RNF130: variants seen among roughly 807,000 people sequenced by gnomAD.
RNF130 encodes E3 ubiquitin-protein ligase RNF130.
Under a neutral mutation model 44.6 loss-of-function variants are expected in RNF130, and 21 were observed. The observed-to-expected ratio is 0.47, with a 90% CI of 0.33 to 0.68. The LOEUF (loss-of-function observed/expected upper bound fraction) is 0.68. RNF130 is among the 30% of genes least tolerant of loss of function. RNF130 has a pLI of 0.02. For missense variants in RNF130, 479 were observed against 560.6 expected (o/e 0.85, Z 1.47); for synonymous variants, 214 against 210.4 (o/e 1.02, Z -0.15).
At position 180,060,973 on chromosome 5, in the gene RNF130, G is replaced by A. The variant is rs548914392; in HGVS notation, c.247+10483C>T. Among the ~76,000 whole-genome samples the A allele has an allele frequency of 6.0e-5, 9 of 148,774 alleles. No individual in the cohort carries two copies. In the East Asian group the frequency reaches 1.4e-3, roughly 23 times the overall value. On this transcript the variant is annotated intron_variant, in intron 1 of 8. Coordinates refer to ENST00000521389, the MANE Select transcript of RNF130 (RefSeq NM_018434.6). ...AGTCCCAGCTACGCGGGAGGCTGAG[G>A]CAGGAGAATGGCGTGAACCCCGGGG...
chr5:180,048,629 T>A (rs975043695), intron 1 of RNF130, among the ~76,000 whole-genome samples: 5 of 152,098 alleles, frequency 3.3e-5, no homozygotes, highest in Non-Finnish European at 7.4e-5. Context: ...CAGAGAGAGA[T>A]GCTATCTCAA....
At chr5:179,997,333 T>C (rs996426217) in intron 3 of RNF130, among the ~76,000 whole-genome samples, 3 of 151,828 alleles carry the variant, frequency 2.0e-5, no homozygotes, top group Non-Finnish European at 4.4e-5. Context: ...ATTTATATTA[T>C]ATTTTTTTGA....
At chr5:180,043,171 A>C (rs1370204105) in intron 1 of RNF130, among the ~76,000 whole-genome samples, 1 of 152,108 alleles carries the variant, frequency 6.6e-6, no homozygotes, top group South Asian at 2.1e-4. Context: ...TAAAAAACAA[A>C]AAAATTAGCT....
chr5:180,002,930 T>G (rs1763379035), intron 3 of RNF130, among the ~76,000 whole-genome samples: 1 of 152,082 alleles, frequency 6.6e-6, no homozygotes, highest in African/African-American at 2.4e-5. Context: ...TTGTTATTAT[T>G]ATTATTATTA....
At chr5:180,060,565 G>A (rs566034120) in intron 1 of RNF130, among the ~76,000 whole-genome samples, 3 of 152,282 alleles carry the variant, frequency 2.0e-5, no homozygotes, top group South Asian at 2.1e-4. Context: ...AACACACCGC[G>A]AGGGCCTGTC....
intron 1 of RNF130, among the ~76,000 whole-genome samples, chr5:180,068,065 T>C (rs1582237569): frequency 6.6e-6 from 1 of 152,228 alleles, no homozygotes. Context: ...CATCCAATCC[T>C]GAAAATTTCT....
intron 7 of RNF130, among the ~76,000 whole-genome samples, chr5:179,932,305 T>C (rs1761820645): frequency 6.6e-6 from 1 of 152,120 alleles, no homozygotes. Flanking sequence ...TTGCCTAGGC[T>C]GGAGTGCAGT....
At chr5:179,950,691 C>G (rs1319640383), downstream of RNF130, among the ~76,000 whole-genome samples, 2 of 152,210 alleles carry the variant, frequency 1.3e-5, no homozygotes, top group Non-Finnish European at 2.9e-5. Flanking sequence ...CAAAAATTCT[C>G]TATCTGGCCT....
At chr5:179,964,521 G>C (rs765571303) in intron 7 of RNF130, 2 of 152,188 alleles carry the variant, frequency 1.3e-5, no homozygotes, top group Non-Finnish European at 2.9e-5. Flanking sequence ...CTATATATGT[G>C]CAAGAAGGCA....
intron 1 of RNF130, among the ~76,000 whole-genome samples, chr5:180,051,741 C>T (rs1470418275): frequency 3.3e-5 from 5 of 152,060 alleles, no homozygotes; most frequent in Non-Finnish European, 5.9e-5. Context: ...ATCCTTAGAA[C>T]GCAAATATAT....
intron 2 of RNF130, among the ~76,000 whole-genome samples, chr5:180,040,064 A>T (rs973053148): frequency 1.3e-5 from 2 of 152,258 alleles, no homozygotes; most frequent in Non-Finnish European, 2.9e-5. Flanking sequence ...TTAATTACTA[A>T]GTCAATTTCA....
chr5:180,033,872 T>A (rs949675886), intron 2 of RNF130, among the ~76,000 whole-genome samples: 1 of 152,220 alleles, frequency 6.6e-6, no homozygotes, highest in Non-Finnish European at 1.5e-5. Flanking sequence ...CCCAACTGGA[T>A]GTCTTTTATT....
chr5:179,940,473 A>G (rs1471819901), intron 7 of RNF130, among the ~76,000 whole-genome samples: 1 of 151,978 alleles, frequency 6.6e-6, no homozygotes, highest in Non-Finnish European at 1.5e-5. Flanking sequence ...TCCTGACTTC[A>G]TGATCCTCCC....
At chr5:180,061,775 C>T (rs762483811) in intron 1 of RNF130, among the ~76,000 whole-genome samples, 15 of 152,168 alleles carry the variant, frequency 9.9e-5, no homozygotes, top group Non-Finnish European at 2.1e-4. Flanking sequence ...ATCCTATTTC[C>T]AAATAAGGGC....
intron 1 of RNF130, among the ~76,000 whole-genome samples, chr5:180,044,858 T>G (rs1764520540): frequency 6.6e-6 from 1 of 151,862 alleles, no homozygotes; most frequent in Non-Finnish European, 1.5e-5. Flanking sequence ...AGCCTCCACA[T>G]TCACTGAGGC....
chr5:180,031,900 C>T (rs996197441), intron 2 of RNF130, among the ~76,000 whole-genome samples: 20 of 152,236 alleles, frequency 1.3e-4, no homozygotes, highest in Admixed American at 8.5e-4. Context: ...TTATCCACAT[C>T]CTCAACAAAA....
intron 1 of RNF130, among the ~76,000 whole-genome samples, chr5:180,044,504 T>A (rs576034098): frequency 1.6e-4 from 24 of 152,232 alleles, no homozygotes; most frequent in Non-Finnish European, 2.8e-4. Context: ...CAAAGAGAGA[T>A]ACAATGTGGC....
At chr5:180,000,987 C>G (rs1177800356) in intron 3 of RNF130, among the ~76,000 whole-genome samples, 2 of 152,148 alleles carry the variant, frequency 1.3e-5, no homozygotes, top group Admixed American at 6.5e-5. Context: ...TCTGGTGGAA[C>G]AATCACTTCT....
chr5:180,063,908 C>T (rs1765041294), intron 1 of RNF130, among the ~76,000 whole-genome samples: 1 of 151,964 alleles, frequency 6.6e-6, no homozygotes, highest in Admixed American at 6.5e-5. Flanking sequence ...GGAATTACAT[C>T]AAAAAAGAAG....
Sources: gnomAD v4.1 joint callset for allele counts (sites outside exome capture counted in the v4.1 genomes callset) on GRCh38, gnomAD v4.1.1 for gene constraint, MANE v1.5 for transcripts, NCBI Gene and HGNC (gene_info 2026-07-23, HGNC 2026-07-21) for gene names.